Variants in AKAP7 observed in about 807,000 individuals in gnomAD.
AKAP7 encodes the protein A kinase (PRKA) anchor protein 7.
In AKAP7, 39 loss-of-function variants were observed where a neutral mutation model predicts 39.5. The ratio of observed to expected loss-of-function variants is 0.99; its 90% CI spans 0.76 to 1.29. The LOEUF is 1.29. Among genes scored for constraint, AKAP7 ranks in the 50% most tolerant of loss-of-function variants. The pLI is 0.00. For missense variants in AKAP7, 414 were observed against 407.7 expected (o/e 1.02, Z -0.13); for synonymous variants, 140 against 139.1 (o/e 1.01, Z -0.05).
At chr6:131,263,501 T>C (rs1813533673) in intron 7 of AKAP7, among the ~76,000 whole-genome samples, 1 of 152,228 alleles carries the variant, frequency 6.6e-6, no homozygotes, top group African/African-American at 2.4e-5. Flanking sequence ...TGAGGCAGTA[T>C]ACACATTGAA....
chr6:131,221,585 C>T (rs2128298940), intron 7 of AKAP7, among the ~76,000 whole-genome samples: 1 of 152,282 alleles, frequency 6.6e-6, no homozygotes, highest in Non-Finnish European at 1.5e-5. Flanking sequence ...CAATGTCTGA[C>T]TTCACAGTTT....
At chr6:131,191,058 A>G (rs1398851977) in intron 5 of AKAP7, among the ~76,000 whole-genome samples, 1 of 152,218 alleles carries the variant, frequency 6.6e-6, no homozygotes, top group Admixed American at 6.5e-5. Context: ...TTCTGGGTTG[A>G]TACAAACGTG....
At chr6:131,238,899 C>T (rs1256475349) in intron 7 of AKAP7, among the ~76,000 whole-genome samples, 1 of 152,098 alleles carries the variant, frequency 6.6e-6, no homozygotes, top group Non-Finnish European at 1.5e-5. Context: ...AGCATTTAGC[C>T]CATTTACATT....
At chr6:131,203,657 C>T (rs572515553) in intron 6 of AKAP7, among the ~76,000 whole-genome samples, 1 of 152,158 alleles carries the variant, frequency 6.6e-6, no homozygotes, top group East Asian at 1.9e-4. Flanking sequence ...GAATGTCTCT[C>T]TAGGTAAACA....
intron 7 of AKAP7, among the ~76,000 whole-genome samples, chr6:131,237,847 C>A (rs1452821636): frequency 1.3e-5 from 2 of 151,962 alleles, no homozygotes; most frequent in East Asian, 3.8e-4. Context: ...TGATCTTTTC[C>A]AAAAACCAGC....
chr6:131,165,451 G>A (rs866840803), intron 4 of AKAP7, among the ~76,000 whole-genome samples: 27 of 151,998 alleles, frequency 1.8e-4, no homozygotes, highest in South Asian at 8.3e-4. Context: ...TGTTTTGTCC[G>A]TGCTCATAAT....
intron 7 of AKAP7, among the ~76,000 whole-genome samples, chr6:131,262,965 G>C (rs899677023): frequency 6.6e-6 from 1 of 152,198 alleles, no homozygotes; most frequent in African/African-American, 2.4e-5. Flanking sequence ...ACGGCTTCAG[G>C]TTTAAAGGGG....
intron 7 of AKAP7, chr6:131,250,440 C>G: frequency 6.7e-7 from 1 of 1,502,794 alleles, no homozygotes; most frequent in Non-Finnish European, 8.9e-7. Context: ...ATTGGCTCTT[C>G]AAGCTGCCTG....
intron 5 of AKAP7, among the ~76,000 whole-genome samples, chr6:131,180,777 C>T (rs1476065438): frequency 1.3e-5 from 2 of 150,984 alleles, no homozygotes; most frequent in African/African-American, 4.9e-5. Context: ...TGAGGACTCC[C>T]TTCTTTAAAT....
intron 6 of AKAP7, among the ~76,000 whole-genome samples, chr6:131,214,612 T>C (rs544302992): frequency 2.0e-5 from 3 of 152,346 alleles, no homozygotes; most frequent in African/African-American, 7.2e-5. Flanking sequence ...ATTTTTTCTA[T>C]GTATAAGTAG....
upstream of AKAP7, among the ~76,000 whole-genome samples, chr6:131,133,624 T>C (rs1161885872): frequency 6.6e-6 from 1 of 152,232 alleles, no homozygotes; most frequent in Non-Finnish European, 1.5e-5. Flanking sequence ...GAAACTTCCA[T>C]ATATCTCTTG....
chr6:131,127,987 G>T, the AKAP7 span, among the ~76,000 whole-genome samples: 6 of 152,278 alleles, frequency 3.9e-5, no homozygotes, highest in East Asian at 1.2e-3. Context: ...AGAACAAGTG[G>T]ACACAAAGAA....
intron 6 of AKAP7, among the ~76,000 whole-genome samples, chr6:131,206,728 T>C (rs924613365): frequency 2.6e-5 from 4 of 152,162 alleles, no homozygotes; most frequent in Admixed American, 1.3e-4. Flanking sequence ...TACCATTATT[T>C]ACTTCTATCT....
At chr6:131,177,906 T>C (rs889343795) in intron 5 of AKAP7, among the ~76,000 whole-genome samples, 2 of 152,204 alleles carry the variant, frequency 1.3e-5, no homozygotes, top group Non-Finnish European at 2.9e-5. Flanking sequence ...CACAGCTTCC[T>C]CTAGGTGAAG....
At chr6:131,246,237 C>CTTT (rs1811993273) in intron 7 of AKAP7, among the ~76,000 whole-genome samples, 1 of 152,026 alleles carries the variant, frequency 6.6e-6, no homozygotes, top group Admixed American at 6.6e-5. Flanking sequence ...AGTACATGGA[C>CTTT]AAGAGGCAGC....
In AKAP7 at chr6:131,151,701, G is replaced by A. The variant is rs193225024; in HGVS notation, c.151+6285G>A. ...ATGGAGGTTGCAGTGAGTCAAGATT[G>A]TGCCATTGTACTCTAGCCTGGACAA... On this transcript the variant is annotated intron_variant, in intron 2 of 7. Coordinates refer to ENST00000431975, the MANE Select transcript of AKAP7 (RefSeq NM_016377.4). 1.5e-4 allele frequency among the ~76,000 whole-genome samples: 23 copies of A among 152,214 alleles called. 1 individual carries two copies. Among genetic ancestry groups the A allele is most frequent in the Admixed American group, 1.4e-3 (22 of 15,290 alleles).
At chr6:131,228,049 G>A (rs770400741) in intron 7 of AKAP7, among the ~76,000 whole-genome samples, 9 of 152,188 alleles carry the variant, frequency 5.9e-5, no homozygotes, top group African/African-American at 1.9e-4. Flanking sequence ...TGACTCTGAC[G>A]TCCTTATCTT....
At chr6:131,255,975 A>T (rs1246427957) in intron 7 of AKAP7, among the ~76,000 whole-genome samples, 1 of 152,192 alleles carries the variant, frequency 6.6e-6, no homozygotes, top group African/African-American at 2.4e-5. Context: ...TGCTTATTAA[A>T]TGCAACTGTT....
intron 7 of AKAP7, among the ~76,000 whole-genome samples, chr6:131,246,909 A>C (rs1812047664): frequency 6.6e-6 from 1 of 152,102 alleles, no homozygotes; most frequent in Non-Finnish European, 1.5e-5. Flanking sequence ...CTCTGGATCA[A>C]ATGCTTAGGG....
Sources: gnomAD v4.1 joint callset for allele counts (sites outside exome capture counted in the v4.1 genomes callset) on GRCh38, gnomAD v4.1.1 for gene constraint, MANE v1.5 for transcripts, NCBI Gene and HGNC (gene_info 2026-07-23, HGNC 2026-07-21) for gene names.